Variants in NRAP observed in about 807,000 individuals in gnomAD.
NRAP encodes nebulin-related-anchoring protein.
NRAP carries 189 observed loss-of-function variants against 225.9 expected under a neutral mutation model. The ratio of observed to expected loss-of-function variants is 0.84; its 90% confidence interval spans 0.74 to 0.94. The LOEUF (loss-of-function observed/expected upper bound fraction) is 0.94, where lower values mean the gene tolerates loss of function less well. NRAP is among the 40% of genes least tolerant of loss of function. The pLI is 0.00. For synonymous variants in NRAP, 769 were observed against 790.7 expected (o/e 0.97, Z 0.46); for missense variants, 2,176 against 2,168.7 (o/e 1.00, Z -0.07).
At chr10:113,604,997 C>A (rs1846865296) in intron 34 of NRAP, 77 bp from the exon 35 acceptor site, 3 of 1,493,264 alleles carry the variant, frequency 2.0e-6, no homozygotes, top group Non-Finnish European at 2.7e-6. Flanking sequence ...CTTGTTCTTA[C>A]ACTAGGAGGT....
chr10:113,611,534 C>T (rs1847322030), intron 30 of NRAP, among the ~76,000 whole-genome samples: 1 of 152,194 alleles, frequency 6.6e-6, no homozygotes, highest in Admixed American at 6.5e-5. Context: ...GTCTCCAATG[C>T]TTCCTGACCC....
In NRAP at chr10:113,613,515, TA is replaced by T. The variant is rs567380899; in HGVS notation, c.3300+667del. Among the ~76,000 whole-genome samples the T allele has an allele frequency of 6.6e-5, 10 of 152,314 alleles. No individual in the cohort carries two copies. In the South Asian group the frequency reaches 2.1e-3, roughly 32 times the overall value. Reference sequence around the variant, plus strand: ...TGTATATAAAAGCGTTTAGCCTCTGTAACATGCTGGATACAGATTTCATCAC... The same window carrying T: ...TGTATATAAAAGCGTTTAGCCTCTGTACATGCTGGATACAGATTTCATCAC... On this transcript the variant is annotated intron_variant, in intron 29 of 41. Coordinates refer to ENST00000359988, the MANE Select transcript of NRAP (RefSeq NM_198060.4).
rs953043373 is a variant in NRAP, at chr10:113,604,822, G to T, written c.4014C>A (p.Gly1338=). Residue 1338 remains glycine, a synonymous_variant, in exon 35 of 42, where the codon GGC becomes GGA. Transcript: ENST00000359988. The stretch of plus-strand genomic sequence containing the variant: ...TGTACTGAAGCTCGCTCTGCAGCTG[G>T]CCCATGCGCCGGCAGTGCTGGATCC... ...DPRIQHCRRM[G]QLQSELQYRR... 4 of 1,614,150 alleles carry T rather than the reference G, an allele frequency of 2.5e-6. No homozygotes were observed. Among genetic ancestry groups the T allele is most frequent in the Non-Finnish European group, 3.4e-6 (4 of 1,180,014 alleles).
chr10:113,646,795 T>C, intron 10 of NRAP, 128 bp downstream of exon 10: 3 of 704,072 alleles, frequency 4.3e-6, no homozygotes, highest in African/African-American at 1.7e-5. Context: ...TGGATGGGAG[T>C]TGAGGGCTAA....
At chr10:113,658,973 A>T (rs561801940) in intron 3 of NRAP, among the ~76,000 whole-genome samples, 1 of 152,208 alleles carries the variant, frequency 6.6e-6, no homozygotes, top group South Asian at 2.1e-4. Context: ...ATAAGAAAAC[A>T]AGCTCAGAGA....
intron 39 of NRAP, among the ~76,000 whole-genome samples, 177 bp from the exon 40 acceptor site, chr10:113,591,066 C>T (rs756122179): frequency 1.8e-4 from 27 of 152,134 alleles, no homozygotes; most frequent in Non-Finnish European, 3.4e-4. Context: ...TGAGTTTCTC[C>T]ATGAGCCTCA....
rs1406361833 is a variant in NRAP at position 113,621,908 on chromosome 10, C to G, written c.2730G>C (p.Lys910Asn). ...HHFTALPTDM[K>N]VEWAKKAYGL... Reference sequence around the variant, plus strand: ...CATAAGCCTTCTTGGCCCATTCCACCTTCATGTCTGTGGGCAAAGCCGTAA... The same window carrying G: ...CATAAGCCTTCTTGGCCCATTCCACGTTCATGTCTGTGGGCAAAGCCGTAA... The change falls in exon 24 of 42, where the codon AAG becomes AAC. Residue 910 changes from lysine (K) to asparagine (N), a missense_variant. Physicochemically the swap from Lys to Asn is moderately conservative, Grantham distance 94 (BLOSUM62 0). Transcript: ENST00000359988. 6.2e-7 allele frequency: 1 copy of G among 1,613,822 alleles called. No homozygotes were observed. Among genetic ancestry groups the G allele is most frequent in the Non-Finnish European group, 8.5e-7 (1 of 1,179,742 alleles).
At chr10:113,631,823 T>G (rs1489799481) in intron 17 of NRAP, 34 bp downstream of exon 17, 1 of 1,329,494 alleles carries the variant, frequency 7.5e-7, no homozygotes, top group East Asian at 2.3e-5. Flanking sequence ...GAACCATTTC[T>G]TATGCATTCC....
chr10:113,593,052 A>AT lies in NRAP; in HGVS notation c.4537-752dup, dbSNP rs572340505. Among the ~76,000 whole-genome samples, 42 of 151,412 alleles carry AT rather than the reference A, an allele frequency of 2.8e-4. 1 individual carries two copies. Among genetic ancestry groups the AT allele is most frequent in the Non-Finnish European group, 4.7e-4 (32 of 67,800 alleles). Reference sequence around the variant, plus strand: ...TCTTCTGTGCCTTCATGTAGCTAATATTTTTTTTTCAAGATAAGGGAATGG... The same window carrying AT: ...TCTTCTGTGCCTTCATGTAGCTAATATTTTTTTTTTCAAGATAAGGGAATGG... On this transcript the variant is annotated intron_variant, in intron 38 of 41. Transcript: ENST00000359988.
At chr10:113,602,117 A>G (rs1000223466) in intron 35 of NRAP, among the ~76,000 whole-genome samples, 4 of 152,166 alleles carry the variant, frequency 2.6e-5, no homozygotes, top group African/African-American at 9.7e-5. Context: ...AACTCAAGCA[A>G]TTCATTTACC....
intron 3 of NRAP, among the ~76,000 whole-genome samples, 183 bp downstream of exon 3, chr10:113,662,496 C>A (rs180776865): frequency 1.3e-5 from 2 of 152,170 alleles, no homozygotes; most frequent in East Asian, 3.9e-4. Context: ...CTATGTTGCC[C>A]AGGCTAGTCT....
chr10:113,634,798 C>CA (rs1465068591), intron 14 of NRAP, among the ~76,000 whole-genome samples: 6 of 151,868 alleles, frequency 4.0e-5, no homozygotes, highest in Non-Finnish European at 7.4e-5. Context: ...TATACTTCAC[C>CA]AAAAAAGAGG....
chr10:113,643,138 C>T (rs1233367350), intron 11 of NRAP, 100 bp from the exon 12 acceptor site: 3 of 641,696 alleles, frequency 4.7e-6, no homozygotes, highest in Non-Finnish European at 8.5e-6. Flanking sequence ...AAACTTTCAA[C>T]CCAAGATTTT....
chr10:113,599,248 T>C (rs930852383), intron 35 of NRAP, among the ~76,000 whole-genome samples: 6 of 152,212 alleles, frequency 3.9e-5, no homozygotes, highest in Non-Finnish European at 7.3e-5. Flanking sequence ...TCTGATCTAC[T>C]GTCTGCTGGT....
chr10:113,655,468 T>TTC lies in NRAP; in HGVS notation c.361-1344_361-1343insGA, dbSNP rs1850253654. Among the ~76,000 whole-genome samples the TTC allele has an allele frequency of 5.1e-4, 76 of 147,838 alleles. No individual in the cohort carries two copies. In the South Asian group the frequency reaches 0.012, roughly 24 times the overall value. On this transcript the variant is annotated intron_variant, in intron 4 of 41. Coordinates refer to ENST00000359988, the MANE Select transcript of NRAP (RefSeq NM_198060.4). ...TGTACATCCATTTTTTTTTTTTTTT[T>TTC]CCCTTGAGACAGAGTCTTGCTCTGT... is the stretch of plus-strand genomic sequence containing the variant.
intron 38 of NRAP, among the ~76,000 whole-genome samples, chr10:113,594,771 G>A (rs766931475): frequency 2.4e-4 from 37 of 152,202 alleles, no homozygotes; most frequent in Non-Finnish European, 3.2e-4. Flanking sequence ...ACTAGAAGGC[G>A]CCTCTCGCCA....
chr10:113,615,571 A>C, intron 27 of NRAP, 141 bp downstream of exon 27: 1 of 661,820 alleles, frequency 1.5e-6, no homozygotes, highest in Non-Finnish European at 2.8e-6. Flanking sequence ...CCCCTTGTTC[A>C]AAAATATCAC....
chr10:113,609,317 C>T (rs1305957365), intron 31 of NRAP, among the ~76,000 whole-genome samples: 1 of 152,200 alleles, frequency 6.6e-6, no homozygotes, highest in African/African-American at 2.4e-5. Context: ...CCATGAGGTA[C>T]AGAGACCACT....
At position 113,607,866 on chromosome 10, in the gene NRAP, C is replaced by A. The variant is rs183218566; in HGVS notation, c.3702+548G>T. On this transcript the variant is annotated intron_variant, in intron 32 of 41. Coordinates refer to ENST00000359988, the MANE Select transcript of NRAP (RefSeq NM_198060.4). ...TTACAGAATGAGATTCCTTCCCTTGCACCTGCCCTCTGCTGGATACATGAA... is the reference window on the plus strand; with the variant it reads ...TTACAGAATGAGATTCCTTCCCTTGAACCTGCCCTCTGCTGGATACATGAA... Among the ~76,000 whole-genome samples, 4 of 152,334 alleles carry A rather than the reference C, an allele frequency of 2.6e-5. No homozygotes were observed. The East Asian group carries it at 7.7e-4, about 29-fold the overall frequency.
Sources: allele counts gnomAD v4.1 joint callset (sites outside exome capture counted in the v4.1 genomes callset), GRCh38; gene constraint gnomAD v4.1.1; transcripts MANE v1.5; gene names NCBI Gene and HGNC (gene_info 2026-07-23, HGNC 2026-07-21).